PPP1R1C: variants seen among roughly 807,000 people sequenced by gnomAD.
The protein encoded by PPP1R1C is protein phosphatase 1 regulatory subunit 1C.
A neutral mutation model predicts 17.4 loss-of-function variants in PPP1R1C; 15 were observed. The ratio of observed to expected loss-of-function variants is 0.86; its 90% confidence interval spans 0.58 to 1.33. PPP1R1C has a LOEUF of 1.33. Ranked by LOEUF, PPP1R1C falls within the 40% of genes most tolerant of loss-of-function variation. PPP1R1C has a pLI of 0.00. For missense variants in PPP1R1C, 143 were observed against 130.0 expected, an observed-to-expected ratio of 1.10 and a Z score of -0.48; for synonymous variants, 35 against 43.1, an observed-to-expected ratio of 0.81 and a Z score of 0.73.
chr2:182,036,892 AT>A (rs773562568), intron 2 of PPP1R1C, among the ~76,000 whole-genome samples: 14 of 152,180 alleles, frequency 9.2e-5, no homozygotes. Context: ...CCCTTCTGTT[AT>A]ATTAGCATGT....
At position 182,057,915 on chromosome 2, in the gene PPP1R1C, G is replaced by A. The variant is rs1471659307; in HGVS notation, c.143-3527G>A. Among the ~76,000 whole-genome samples the A allele has an allele frequency of 2.6e-5, 4 of 152,000 alleles. No individual in the cohort carries two copies. The East Asian group carries it at 7.7e-4, about 29-fold the overall frequency. ...GATTTAGTGATTTTTTATTTTTCAA[G>A]TTTTTATTAATGGGCTTAATTTTTT... On this transcript the variant is annotated intron_variant, in intron 2 of 4. Coordinates refer to ENST00000682840, the MANE Select transcript of PPP1R1C (RefSeq NM_001080545.3).
chr2:182,030,955 G>C (rs1024656824), intron 2 of PPP1R1C: 1 of 155,424 alleles, frequency 6.4e-6, no homozygotes, highest in Non-Finnish European at 1.4e-5. Context: ...CACAATATTC[G>C]GGTGGGAGTG....
chr2:182,017,172 G>A (rs1188742638), intron 2 of PPP1R1C, among the ~76,000 whole-genome samples: 1 of 152,004 alleles, frequency 6.6e-6, no homozygotes, highest in African/African-American at 2.4e-5. Flanking sequence ...ATTTATGCAT[G>A]TATTAAGTAT....
rs548453009 is a variant in PPP1R1C at position 181,992,409 on chromosome 2, C to G, written c.142+4510C>G. On this transcript the variant is annotated intron_variant, in intron 2 of 4. Transcript: ENST00000682840. ...CTCTATCCGAATTCTCCCTATTGCT[C>G]TGCCTTTGAAGCCCAGAGCTGGACA... Among the ~76,000 whole-genome samples, 9 of 135,318 alleles carry G rather than the reference C, an allele frequency of 6.7e-5. 2 individuals carry two copies. The highest frequency in any genetic ancestry group is 1.9e-4 in the African/African-American group (7 of 36,384). The allele number at this position is 135,318 out of a possible 152,430, so 88.8% of individuals were successfully genotyped here.
chr2:182,088,963 G>A (rs1688706452), intron 4 of PPP1R1C, among the ~76,000 whole-genome samples: 2 of 152,100 alleles, frequency 1.3e-5, no homozygotes. Context: ...AGAAACTCTA[G>A]GCCTTTTAAA....
At chr2:182,025,454 C>T (rs1331466247) in intron 2 of PPP1R1C, among the ~76,000 whole-genome samples, 3 of 135,780 alleles carry the variant, frequency 2.2e-5, no homozygotes, top group Non-Finnish European at 3.1e-5. Flanking sequence ...TGAGAATATG[C>T]GGTGTTTGGT....
chr2:182,087,032 A>C (rs1030885853), intron 4 of PPP1R1C, among the ~76,000 whole-genome samples: 7 of 152,114 alleles, frequency 4.6e-5, no homozygotes, highest in African/African-American at 1.7e-4. Flanking sequence ...TTTCTTTTTA[A>C]CTCTCACATT....
Position 181,967,419 on chromosome 2 carries a change from A to T in PPP1R1C, n.112-7800A>T, listed in dbSNP as rs941483414. ...CATGTGAAGATTTTCCACTTTGTTG[A>T]TGTGGGTGCTTATTGCTATAAACTT... is the stretch of plus-strand genomic sequence containing the variant. On this transcript the variant is annotated intron_variant and non_coding_transcript_variant, in intron 1 of 5. Transcript: ENST00000464264. The surrounding 1 kb of genome is among the most constrained non-coding windows in gnomAD (Gnocchi z 5.5). 2.0e-5 allele frequency among the ~76,000 whole-genome samples: 3 copies of T among 151,854 alleles called. No individual in the cohort carries two copies. The highest frequency in any genetic ancestry group is 7.3e-5 in the African/African-American group (3 of 41,338).
At chr2:182,121,928 T>C (rs1250513597), downstream of PPP1R1C, among the ~76,000 whole-genome samples, 4 of 152,198 alleles carry the variant, frequency 2.6e-5, no homozygotes, top group African/African-American at 4.8e-5. Flanking sequence ...AAACTCCAGA[T>C]ATTAAAGAAC....
At chr2:182,034,383 A>G (rs554617545) in intron 2 of PPP1R1C, among the ~76,000 whole-genome samples, 22 of 152,282 alleles carry the variant, frequency 1.4e-4, no homozygotes, top group African/African-American at 4.3e-4. Flanking sequence ...AGTGCAAAAT[A>G]TGGAAGAGAT....
Position 181,962,043 on chromosome 2 carries a change from CCA to C in PPP1R1C, n.111+7412_111+7413del, listed in dbSNP as rs1428584485. The C allele has an allele frequency of 2.8e-6, 2 of 726,466 alleles. No individual in the cohort carries two copies. Among genetic ancestry groups the C allele is most frequent in the Non-Finnish European group, 5.1e-6 (2 of 392,702 alleles). 45.0% of individuals were successfully genotyped at this position (726,466 alleles called of 1,614,324 possible). A position where few individuals can be genotyped will look rare whatever the true frequency, so the allele number is the denominator to read the frequency against. ...ATCTGCAAAACGATGCCGGCATTGT[CCA>C]CAGTATTTGCGAAGATCTGAACCCT... On this transcript the variant is annotated intron_variant and non_coding_transcript_variant, in intron 1 of 5. Coordinates refer to the PPP1R1C transcript ENST00000464264. This position sits in a 1 kb window ranked among gnomAD's most constrained non-coding sequence, Gnocchi z 6.0.
intron 1 of PPP1R1C, among the ~76,000 whole-genome samples, chr2:181,968,379 G>A (rs1424568520): frequency 6.6e-6 from 1 of 152,064 alleles, no homozygotes; most frequent in Non-Finnish European, 1.5e-5. Flanking sequence ...GATACTCCAG[G>A]GTTGGGTTTA....
intron 2 of PPP1R1C, among the ~76,000 whole-genome samples, chr2:182,017,360 T>G (rs1191225587): frequency 6.6e-6 from 1 of 152,108 alleles, no homozygotes; most frequent in East Asian, 1.9e-4. Flanking sequence ...CCTTTTCATA[T>G]TGTTAAATCA....
At chr2:182,023,026 G>T (rs181052270) in intron 2 of PPP1R1C, among the ~76,000 whole-genome samples, 2 of 152,046 alleles carry the variant, frequency 1.3e-5, no homozygotes, top group Non-Finnish European at 2.9e-5. Flanking sequence ...ATAGTTTGTC[G>T]TATCAAAATA....
intron 4 of PPP1R1C, among the ~76,000 whole-genome samples, chr2:182,094,880 TG>T (rs1441360256): frequency 6.6e-6 from 1 of 152,192 alleles, no homozygotes; most frequent in Non-Finnish European, 1.5e-5. Context: ...GATGCATTGT[TG>T]ACTAGTGACG....
intron 4 of PPP1R1C, among the ~76,000 whole-genome samples, chr2:182,064,830 T>A (rs1450946128): frequency 6.6e-6 from 1 of 152,044 alleles, no homozygotes; most frequent in Non-Finnish European, 1.5e-5. Flanking sequence ...TTAAAGATAT[T>A]TTCCCCGTTG....
rs1419086805 is a variant in PPP1R1C, at chr2:182,003,264, A to G, written c.142+15365A>G. 2.0e-5 allele frequency among the ~76,000 whole-genome samples: 3 copies of G among 152,112 alleles called. No individual in the cohort carries two copies. The South Asian group carries it at 6.2e-4, about 31-fold the overall frequency. On this transcript the variant is annotated intron_variant, in intron 2 of 4. Transcript: ENST00000682840. ...CCTTTGCTCACCCATTGCTCCTACA[A>G]CTATAACACTTAGATTTCTTAGTCT... is the stretch of plus-strand genomic sequence containing the variant.
At chr2:182,048,984 G>C (rs1022356334) in intron 2 of PPP1R1C, 1 of 152,200 alleles carries the variant, frequency 6.6e-6, no homozygotes, top group Non-Finnish European at 1.5e-5. Context: ...TCAGAGATCT[G>C]ATGGTAAATT....
At chr2:181,970,598 G>A (rs1684989065) in intron 1 of PPP1R1C, among the ~76,000 whole-genome samples, 1 of 152,084 alleles carries the variant, frequency 6.6e-6, no homozygotes, top group Non-Finnish European at 1.5e-5. Flanking sequence ...TTGCTCAAGG[G>A]CCTAGGTCTC....
Sources: gnomAD v4.1 joint callset for allele counts (sites outside exome capture counted in the v4.1 genomes callset) on GRCh38, gnomAD v4.1.1 for gene constraint, Gnocchi (gnomAD v3.1) non-coding constraint, MANE v1.5 for transcripts, NCBI Gene and HGNC (gene_info 2026-07-23, HGNC 2026-07-21) for gene names.